The following TECPR2 variants were observed in gnomAD, a reference collection of about 807,000 sequenced individuals.
TECPR2 encodes tectonin beta-propeller repeat-containing protein 2.
In TECPR2, 65 loss-of-function variants were observed where a neutral mutation model predicts 138.1. That is an observed-to-expected ratio of 0.47 (90% confidence interval 0.39 to 0.58). The LOEUF (loss-of-function observed/expected upper bound fraction) is 0.58, where lower values mean the gene tolerates loss of function less well. TECPR2 is among the 20% of genes least tolerant of loss of function. TECPR2 has a pLI of 0.00. For missense variants in TECPR2, 1,553 were observed against 1,824.5 expected (o/e 0.85, Z 2.71); for synonymous variants, 746 against 749.8 (o/e 0.99, Z 0.08).
intron 17 of TECPR2, among the ~76,000 whole-genome samples, chr14:102,488,746 G>A (rs1891094866): frequency 6.6e-6 from 1 of 151,106 alleles, no homozygotes; most frequent in Non-Finnish European, 1.5e-5. Context: ...CAAAACTATA[G>A]TACACTGTCA....
chr14:102,407,779 G>A (rs894461885), intron 3 of TECPR2, among the ~76,000 whole-genome samples: 25 of 151,990 alleles, frequency 1.6e-4, no homozygotes, highest in Non-Finnish European at 2.5e-4. Context: ...GGCAGATCAC[G>A]AGGTCAGGAG....
chr14:102,401,544 C>A (rs1477592686), intron 2 of TECPR2, among the ~76,000 whole-genome samples: 1 of 151,494 alleles, frequency 6.6e-6, no homozygotes, highest in Non-Finnish European at 1.5e-5. Context: ...GTTTGGGAGG[C>A]CGAGGCCAGC....
intron 16 of TECPR2, among the ~76,000 whole-genome samples, chr14:102,454,322 C>T (rs777261956): frequency 3.9e-5 from 6 of 152,140 alleles, no homozygotes; most frequent in African/African-American, 1.2e-4. Flanking sequence ...TGCTCAGCCC[C>T]GGGGGCTCCT....
At chr14:102,446,512 T>C (rs1889984005) in intron 13 of TECPR2, among the ~76,000 whole-genome samples, 2 of 151,994 alleles carry the variant, frequency 1.3e-5, no homozygotes, top group Admixed American at 1.3e-4. Flanking sequence ...GGTGGGAGAA[T>C]AGTTTGAGCC....
chr14:102,467,942 T>C (rs1018386123), intron 17 of TECPR2, among the ~76,000 whole-genome samples: 1 of 151,470 alleles, frequency 6.6e-6, no homozygotes, highest in Non-Finnish European at 1.5e-5. Context: ...GTTCAAGCGA[T>C]TCTCTTGCCT....
chr14:102,365,435 T>C (rs1293070590), intron 1 of TECPR2, among the ~76,000 whole-genome samples: 1 of 152,206 alleles, frequency 6.6e-6, no homozygotes, highest in Non-Finnish European at 1.5e-5. Context: ...GACTTTGTTC[T>C]GCAGAGACAT....
At chr14:102,444,175 A>G (rs77271846) in intron 12 of TECPR2, among the ~76,000 whole-genome samples, 4,149 of 150,246 alleles carry the variant, frequency 0.028, 75 homozygotes, top group Middle Eastern at 0.09. Context: ...TGCTAATCGA[A>G]GTTGATCTCT....
chr14:102,449,848 G>A lies in TECPR2; in HGVS notation c.3295G>A (p.Val1099Ile), dbSNP rs963740851. The A allele has an allele frequency of 5.6e-6, 9 of 1,613,654 alleles. No homozygotes were observed. The highest frequency in any genetic ancestry group is 6.8e-6 in the Non-Finnish European group (8 of 1,180,040). Residue 1099 changes from valine (V) to isoleucine (I), a missense_variant, in exon 14 of 20, where the codon GTC becomes ATC. By Grantham distance (29) the Val-to-Ile change is conservative (BLOSUM62 3). Coordinates refer to ENST00000359520, the MANE Select transcript of TECPR2 (RefSeq NM_014844.5). ...WISSGKNEFHVAKGSLIGTYW... is the reference protein window; with the variant it reads ...WISSGKNEFHIAKGSLIGTYW... ...CTCCTCGGGCAAGAATGAATTCCAC[G>A]TCGCTAAGGGAAGTCTCATAGGTGG...
At chr14:102,373,215 G>A (rs1202671270) in intron 1 of TECPR2, among the ~76,000 whole-genome samples, 3 of 151,934 alleles carry the variant, frequency 2.0e-5, no homozygotes, top group Non-Finnish European at 4.4e-5. Flanking sequence ...TTTTGGTGAG[G>A]ATTTAATGGG....
chr14:102,468,378 G>A (rs1890595711), intron 17 of TECPR2, among the ~76,000 whole-genome samples: 1 of 148,298 alleles, frequency 6.7e-6, no homozygotes, highest in African/African-American at 2.5e-5. Flanking sequence ...AGTAGAGATG[G>A]GGGTTTCACC....
At chr14:102,433,989 G>A (rs1239442784) in intron 8 of TECPR2, among the ~76,000 whole-genome samples, 3 of 152,108 alleles carry the variant, frequency 2.0e-5, no homozygotes, top group Non-Finnish European at 1.5e-5. Flanking sequence ...TGTGACCCAG[G>A]TGAACATCTC....
chr14:102,497,404 C>T (rs1005736179), intron 18 of TECPR2, 166 bp from the exon 19 acceptor site: 8 of 1,083,662 alleles, frequency 7.4e-6, no homozygotes, highest in Non-Finnish European at 1.0e-5. Flanking sequence ...GCCCTGCCAA[C>T]TGGTCGTCCT....
intron 1 of TECPR2, among the ~76,000 whole-genome samples, chr14:102,374,725 C>A (rs1293803620): frequency 1.3e-5 from 2 of 152,194 alleles, no homozygotes; most frequent in African/African-American, 4.8e-5. Flanking sequence ...AGGCGGGAGT[C>A]TTGCTATGTT....
chr14:102,487,153 G>C (rs1229738176), intron 17 of TECPR2, among the ~76,000 whole-genome samples: 1 of 152,240 alleles, frequency 6.6e-6, no homozygotes, highest in Non-Finnish European at 1.5e-5. Context: ...AGAAAAGGCA[G>C]TGTGGAAAGC....
intron 13 of TECPR2, among the ~76,000 whole-genome samples, chr14:102,447,060 G>A (rs1314039100): frequency 6.6e-6 from 1 of 152,202 alleles, no homozygotes; most frequent in Admixed American, 6.5e-5. Context: ...TTCCAGAAAA[G>A]GAAACACTAT....
intron 17 of TECPR2, among the ~76,000 whole-genome samples, chr14:102,488,603 C>G (rs1336179855): frequency 6.6e-6 from 1 of 152,010 alleles, no homozygotes; most frequent in Non-Finnish European, 1.5e-5. Flanking sequence ...CTCAGCCTCC[C>G]GAAGTGCTGG....
intron 8 of TECPR2, among the ~76,000 whole-genome samples, chr14:102,432,697 T>C (rs1889538950): frequency 6.6e-6 from 1 of 151,462 alleles, no homozygotes. Flanking sequence ...CCTGGCATAG[T>C]TTTTAGTATT....
chr14:102,386,234 C>T (rs766244459), intron 2 of TECPR2, among the ~76,000 whole-genome samples: 1 of 151,898 alleles, frequency 6.6e-6, no homozygotes, highest in South Asian at 2.1e-4. Flanking sequence ...TTTGGTAGGC[C>T]GAGGCAGGCA....
Position 102,431,782 on chromosome 14 carries a change from CTCT to C in TECPR2, c.1085-9_1085-7del. The C allele has an allele frequency of 6.5e-7, 1 of 1,532,360 alleles. No individual in the cohort carries two copies. Among genetic ancestry groups the C allele is most frequent in the Non-Finnish European group, 8.8e-7 (1 of 1,136,240 alleles). The allele number at this position is 1,532,360 out of a possible 1,614,324, so 94.9% of individuals were successfully genotyped here. ...TTGGATCACCAGTGGTAAAACCAGA[CTCT>C]TCTTTCTTAGTGAGAGATGGTCTGG... On this transcript the variant is annotated splice_polypyrimidine_tract_variant and intron_variant, in intron 7 of 19. Coordinates refer to ENST00000359520, the MANE Select transcript of TECPR2 (RefSeq NM_014844.5).
Sources: gnomAD v4.1 joint callset for allele counts (sites outside exome capture counted in the v4.1 genomes callset) on GRCh38, gnomAD v4.1.1 for gene constraint, MANE v1.5 for transcripts, NCBI Gene and HGNC (gene_info 2026-07-23, HGNC 2026-07-21) for gene names.